The following ZNF670 variants were observed in gnomAD, a reference collection of about 807,000 sequenced individuals.
The protein encoded by ZNF670 is zinc finger protein 670.
ZNF670 carries 7 observed loss-of-function variants against 10.9 expected under a neutral mutation model. The observed-to-expected ratio is 0.64, with a 90% CI of 0.36 to 1.20. The LOEUF is 1.20. Among genes scored for constraint, ZNF670 ranks in the 50% most tolerant of loss-of-function variants. ZNF670 has a pLI of 0.02. For synonymous variants in ZNF670, 136 were observed against 152.7 expected, an observed-to-expected ratio of 0.89 and a Z score of 0.81; for missense variants, 446 against 458.6, an observed-to-expected ratio of 0.97 and a Z score of 0.25.
At chr1:247,058,277 T>A (rs190724539) in intron 1 of ZNF670, among the ~76,000 whole-genome samples, 194 of 152,214 alleles carry the variant, frequency 1.3e-3, no homozygotes, top group African/African-American at 4.4e-3. Context: ...AAGTTCTAAA[T>A]AACAAACAGG....
intron 1 of ZNF670, among the ~76,000 whole-genome samples, chr1:247,071,439 A>G (rs1209009242): frequency 6.6e-6 from 1 of 152,244 alleles, no homozygotes; most frequent in Non-Finnish European, 1.5e-5. Context: ...CACAGACACA[A>G]AGAGTTAAAT....
At chr1:247,041,132 A>G (rs1336453611) in intron 1 of ZNF670, among the ~76,000 whole-genome samples, 1 of 152,246 alleles carries the variant, frequency 6.6e-6, no homozygotes, top group Non-Finnish European at 1.5e-5. Context: ...TATTCCATGA[A>G]CAATAATCAA....
chr1:247,074,393 C>T (rs1181752973), intron 1 of ZNF670, among the ~76,000 whole-genome samples: 18 of 151,924 alleles, frequency 1.2e-4, no homozygotes, highest in Admixed American at 1.2e-3. Flanking sequence ...CGGCCCTCTT[C>T]CTCTCCTCTT....
intron 1 of ZNF670, among the ~76,000 whole-genome samples, chr1:247,052,409 G>A (rs1312911385): frequency 6.6e-6 from 1 of 152,144 alleles, no homozygotes; most frequent in East Asian, 1.9e-4. Context: ...GCTGGTACTG[G>A]GGAGTGTCTG....
At chr1:247,076,516 A>G (rs1671257730) in intron 1 of ZNF670, among the ~76,000 whole-genome samples, 1 of 152,014 alleles carries the variant, frequency 6.6e-6, no homozygotes, top group Admixed American at 6.6e-5. Context: ...TCGGCCTCCC[A>G]AAGTGTTGGG....
At chr1:247,042,063 C>T (rs1670323109) in intron 1 of ZNF670, among the ~76,000 whole-genome samples, 1 of 152,172 alleles carries the variant, frequency 6.6e-6, no homozygotes. Flanking sequence ...ACTATTGTTA[C>T]TAAAACTCTT....
intron 3 of ZNF670, 55 bp from the exon 4 acceptor site, chr1:247,038,482 A>G: frequency 6.7e-7 from 1 of 1,503,072 alleles, no homozygotes; most frequent in African/African-American, 1.4e-5. Context: ...TTACATTGCT[A>G]CTAATACCAT....
chr1:247,053,980 C>T (rs1050424917), intron 1 of ZNF670, among the ~76,000 whole-genome samples: 1 of 152,204 alleles, frequency 6.6e-6, no homozygotes, highest in African/African-American at 2.4e-5. Context: ...ACCCTTCCTC[C>T]ATTACCTGGC....
chr1:247,044,756 G>GT (rs1489821502), intron 1 of ZNF670, among the ~76,000 whole-genome samples: 1 of 152,076 alleles, frequency 6.6e-6, no homozygotes, highest in African/African-American at 2.4e-5. Context: ...TAACTGTTGA[G>GT]TATACATGGA....
At chr1:247,067,568 C>A (rs189302360) in intron 1 of ZNF670, among the ~76,000 whole-genome samples, 1 of 150,328 alleles carries the variant, frequency 6.7e-6, no homozygotes, top group Non-Finnish European at 1.5e-5. Context: ...ACAGGCCGGG[C>A]GCGGTGGCTC....
chr1:247,076,193 C>T (rs762376681), intron 1 of ZNF670, among the ~76,000 whole-genome samples: 66 of 152,194 alleles, frequency 4.3e-4, no homozygotes, highest in Non-Finnish European at 7.9e-4. Context: ...GCCCATTCTC[C>T]TCACAGAAAT....
intron 1 of ZNF670, among the ~76,000 whole-genome samples, chr1:247,051,670 C>T (rs1670599193): frequency 6.6e-6 from 1 of 152,138 alleles, no homozygotes; most frequent in African/African-American, 2.4e-5. Context: ...CTAGCAAGGC[C>T]AGGGAAGTTT....
At chr1:247,063,723 T>A (rs34764574) in intron 1 of ZNF670, among the ~76,000 whole-genome samples, 2 of 151,992 alleles carry the variant, frequency 1.3e-5, no homozygotes, top group South Asian at 2.1e-4. Flanking sequence ...AGGTGACACC[T>A]GGGGAGAAAG....
At chr1:247,041,191 C>T (rs753646900) in intron 1 of ZNF670, among the ~76,000 whole-genome samples, 34 of 151,852 alleles carry the variant, frequency 2.2e-4, no homozygotes, top group Non-Finnish European at 4.3e-4. Flanking sequence ...GTTCAGACTT[C>T]GAAGGAAAAC....
In ZNF670 at chr1:247,038,473, T is replaced by A; in HGVS notation, c.192-46A>T. On this transcript the variant is annotated intron_variant, in intron 3 of 3. Transcript: ENST00000366503. ...ATTAATGGTACATTTATTCATGGTT[T>A]ACATTGCTACTAATACCATGGAAAA... 3 of 1,537,142 alleles carry A rather than the reference T, an allele frequency of 2.0e-6. No individual in the cohort carries two copies. In the Admixed American group the frequency reaches 5.8e-5, roughly 30 times the overall value.
chr1:247,054,576 G>T (rs562234668), intron 1 of ZNF670, among the ~76,000 whole-genome samples: 1 of 152,208 alleles, frequency 6.6e-6, no homozygotes, highest in Non-Finnish European at 1.5e-5. Flanking sequence ...CAAATGCCTT[G>T]AAAGAAAGAA....
Position 247,078,800 on chromosome 1 carries a change from G to C in ZNF670, c.-204C>G, listed in dbSNP as rs571082491. 276 of 593,906 alleles carry C rather than the reference G, an allele frequency of 4.6e-4. No individual in the cohort carries two copies. In the South Asian group the frequency reaches 5.5e-3, roughly 12 times the overall value. 36.8% of individuals were successfully genotyped at this position (593,906 alleles called of 1,614,324 possible). On this transcript the variant is annotated 5_prime_UTR_variant, in exon 1 of 4. Coordinates refer to ENST00000366503, the MANE Select transcript of ZNF670 (RefSeq NM_033213.5). ...GGAAGCTGCTCCCTCCTTTCGCGGC[G>C]CGCTTGAGAGTACAGTCCCCTTCCC...
rs368033378 is a variant in ZNF670 at position 247,052,683 on chromosome 1, G to A, written c.4-13146C>T. Reference sequence around the variant, plus strand: ...TTGTTTACTGCTTTCTTGGAGCAGGGTCATTCTGTTATGAGTTGCTATAAT... The same window carrying A: ...TTGTTTACTGCTTTCTTGGAGCAGGATCATTCTGTTATGAGTTGCTATAAT... On this transcript the variant is annotated intron_variant, in intron 1 of 3. Transcript: ENST00000366503. 3.1e-4 allele frequency among the ~76,000 whole-genome samples: 47 copies of A among 152,316 alleles called. 1 individual carries two copies. The South Asian group carries it at 9.1e-3, about 30-fold the overall frequency.
intron 1 of ZNF670, among the ~76,000 whole-genome samples, chr1:247,071,555 C>T (rs763175266): frequency 2.6e-5 from 4 of 152,334 alleles, no homozygotes; most frequent in South Asian, 4.1e-4. Context: ...CATTTGCACA[C>T]CCAGTCCCAC....
Sources: allele counts gnomAD v4.1 joint callset (sites outside exome capture counted in the v4.1 genomes callset), GRCh38; gene constraint gnomAD v4.1.1; transcripts MANE v1.5; gene names NCBI Gene and HGNC (gene_info 2026-07-23, HGNC 2026-07-21).